The following TLR1 variants were observed in gnomAD, a reference collection of about 807,000 sequenced individuals.
The protein encoded by TLR1 is toll-like receptor 1.
Under a neutral mutation model 20.2 loss-of-function variants are expected in TLR1, and 19 were observed. The ratio of observed to expected loss-of-function variants is 0.94; its 90% confidence interval spans 0.66 to 1.38. The LOEUF (loss-of-function observed/expected upper bound fraction) is 1.38, where lower values mean the gene tolerates loss of function less well. TLR1 is among the 40% of genes most tolerant of loss of function. The pLI is 0.00. For synonymous variants in TLR1, 320 were observed against 334.5 expected, an observed-to-expected ratio of 0.96 and a Z score of 0.47; for missense variants, 921 against 910.0, an observed-to-expected ratio of 1.01 and a Z score of -0.16.
chr4:38,796,527 A>C lies in TLR1; in HGVS notation c.2305T>G (p.Trp769Gly). The C allele has an allele frequency of 1.2e-6, 2 of 1,613,982 alleles. No homozygotes were observed. The highest frequency in any genetic ancestry group is 2.2e-5 in the East Asian group (1 of 44,882). ...TTAATGGCTGCCCTTAAGTTAGCCC[A>C]AAAAAGGCCACGTTTGCTCTTTTCC... is the stretch of plus-strand genomic sequence containing the variant. ...PKEKSKRGLF[W>G]ANLRAAINIK... The change falls in exon 4 of 4, where the codon TGG becomes GGG. Residue 769 changes from tryptophan (W) to glycine (G), a missense_variant. Coordinates refer to ENST00000308979, the MANE Select transcript of TLR1 (RefSeq NM_003263.4).
At chr4:38,791,208 A>G (rs1725708987) in exon 4 of TLR1, 1 of 152,208 alleles carries the variant, frequency 6.6e-6, no homozygotes, top group African/African-American at 2.4e-5. Flanking sequence ...CTCTTCTCTG[A>G]AATCCTCAGG....
intron 2 of TLR1, among the ~76,000 whole-genome samples, chr4:38,802,027 T>A (rs1247795195): frequency 6.6e-6 from 1 of 152,078 alleles, no homozygotes; most frequent in African/African-American, 2.4e-5. Flanking sequence ...TGAAACCCTG[T>A]CTCTACTAAA....
chr4:38,805,503 T>C (rs1346085443), upstream of TLR1: 1 of 152,240 alleles, frequency 6.6e-6, no homozygotes, highest in Non-Finnish European at 1.5e-5. Context: ...GAAGACATTC[T>C]GATAGCTCTA....
downstream of TLR1, among the ~76,000 whole-genome samples, chr4:38,796,062 C>T (rs747590173): frequency 9.9e-5 from 15 of 152,132 alleles, no homozygotes; most frequent in Non-Finnish European, 1.9e-4. Context: ...GTTGAATGCA[C>T]CATGGATATG....
intron 1 of TLR1, among the ~76,000 whole-genome samples, 183 bp downstream of exon 1, chr4:38,804,571 T>C (rs5743561): frequency 0.022 from 3,320 of 152,310 alleles, 127 homozygotes; most frequent in African/African-American, 0.076. Context: ...GGACTTTCTC[T>C]GATTTAGGAC....
chr4:38,798,240 TG>T lies in TLR1; in HGVS notation c.591del (p.Thr198GlnfsTer16), dbSNP rs56043098. On this transcript the variant is annotated frameshift_variant, in exon 4 of 4. Coordinates refer to ENST00000308979, the MANE Select transcript of TLR1 (RefSeq NM_003263.4). LOFTEE classifies it low-confidence loss of function (END_TRUNC). Reference protein sequence around the residue: ...FNTESLHIVFPTNKEFHFILD... With the variant: ...FNTESLHIVFXTNKEFHFILD... ...AAAATAAAATGGAATTCTTTGTTTG[TG>T]GGGAACACAATGTGCAGACTCTCAG... 9.5e-5 allele frequency: 154 copies of T among 1,613,780 alleles called. 3 individuals are homozygous for T. The South Asian group carries it at 1.6e-3, about 17-fold the overall frequency.
downstream of TLR1, among the ~76,000 whole-genome samples, chr4:38,795,830 G>T (rs1439642687): frequency 1.3e-5 from 2 of 152,230 alleles, no homozygotes; most frequent in Non-Finnish European, 2.9e-5. Context: ...CTCAGGGAGA[G>T]TGTAAAGTAT....
Position 38,798,194 on chromosome 4 carries a change from A to G in TLR1, c.638T>C (p.Val213Ala), listed in dbSNP as rs1229012607. 6.2e-7 allele frequency: 1 copy of G among 1,614,108 alleles called. No homozygotes were observed. The highest frequency in any genetic ancestry group is 1.1e-5 in the South Asian group (1 of 91,072). The change falls in exon 4 of 4, where the codon GTA (valine) becomes GCA (alanine). Residue 213 changes from valine (V) to alanine (A), a missense_variant. Val to Ala is a moderately conservative substitution (Grantham distance 64). Coordinates refer to ENST00000308979, the MANE Select transcript of TLR1 (RefSeq NM_003263.4). ...GATATTAGATAGTTCCAGATTTGCT[A>G]CAGTCTTGACTGACACATCCAAAAT... is the stretch of plus-strand genomic sequence containing the variant. ...HFILDVSVKTVANLELSNIKC... is the reference protein window; with the variant it reads ...HFILDVSVKTAANLELSNIKC...
At chr4:38,802,163 C>T (rs5743584) in intron 2 of TLR1, among the ~76,000 whole-genome samples, 22,230 of 152,232 alleles carry the variant, frequency 0.15, 2,241 homozygotes, top group East Asian at 0.4. Context: ...TGCCATTGCA[C>T]TCCAGCCTGG....
At chr4:38,795,741 A>T (rs1224195049), downstream of TLR1, among the ~76,000 whole-genome samples, 1 of 152,222 alleles carries the variant, frequency 6.6e-6, no homozygotes, top group African/African-American at 2.4e-5. Flanking sequence ...GTGAGAAAAA[A>T]ATGGGAAGGA....
chr4:38,792,103 G>A (rs192280803), downstream of TLR1, among the ~76,000 whole-genome samples: 213 of 152,304 alleles, frequency 1.4e-3, no homozygotes, highest in African/African-American at 4.2e-3. Flanking sequence ...AGAAAAAGGA[G>A]GCTAGGAAGG....
chr4:38,787,962 T>C (rs917189575), downstream of TLR1, among the ~76,000 whole-genome samples: 16 of 152,144 alleles, frequency 1.1e-4, no homozygotes, highest in African/African-American at 3.6e-4. Context: ...ACTTCCCCTC[T>C]CAACTGACCC....
chr4:38,790,150 T>C (rs924890842), downstream of TLR1, among the ~76,000 whole-genome samples: 19 of 152,226 alleles, frequency 1.2e-4, no homozygotes, highest in African/African-American at 4.6e-4. Context: ...CTTTGAGTTG[T>C]TGCTATCCTG....
At chr4:38,790,893 G>C (rs931173961) in exon 4 of TLR1, 1 of 152,206 alleles carries the variant, frequency 6.6e-6, no homozygotes, top group Non-Finnish European at 1.5e-5. Flanking sequence ...GAGGAAAGAT[G>C]AACATCCTCA....
chr4:38,791,548 AT>A (rs1725722646), downstream of TLR1, among the ~76,000 whole-genome samples: 3 of 152,122 alleles, frequency 2.0e-5, no homozygotes, highest in South Asian at 6.2e-4. Context: ...TGTTTGCCTC[AT>A]TTGTTCATTC....
Position 38,798,885 on chromosome 4 carries a change from T to C in TLR1, c.-54A>G, listed in dbSNP as rs1046170079. 2 of 1,265,300 alleles carry C rather than the reference T, an allele frequency of 1.6e-6. No homozygotes were observed. Among genetic ancestry groups the C allele is most frequent in the East Asian group, 2.4e-5 (1 of 41,766 alleles). The allele number at this position is 1,265,300 out of a possible 1,614,324, so 78.4% of individuals were successfully genotyped here. On this transcript the variant is annotated 5_prime_UTR_variant, in exon 4 of 4. Transcript: ENST00000308979. ...GAAGCTGTTCTTCAGATCATCTTGA[T>C]ACAGATACAGATTCTAGAAAAAAAA... is the stretch of plus-strand genomic sequence containing the variant.
In TLR1 at chr4:38,797,887, C is replaced by T. The variant is rs185747096; in HGVS notation, c.945G>A (p.Pro315=). Residue 315 remains proline, a synonymous_variant, in exon 4 of 4, where the codon CCG becomes CCA. Transcript: ENST00000308979. ...AAAAGATTTCATAGATATAACTTTG[C>T]GGAAAACCGAACACATCGCTGACAA... The part of the protein sequence containing the change: ...HQVVSDVFGF[P]QSYIYEIFSN... The T allele has an allele frequency of 6.4e-5, 103 of 1,613,850 alleles. No homozygotes were observed. Among genetic ancestry groups the T allele is most frequent in the South Asian group, 5.3e-4 (48 of 91,078 alleles).
downstream of TLR1, among the ~76,000 whole-genome samples, chr4:38,789,351 A>G (rs1420654095): frequency 6.6e-6 from 1 of 152,216 alleles, no homozygotes; most frequent in Non-Finnish European, 1.5e-5. Context: ...ATAATTTGTC[A>G]AAGCATTTTG....
At chr4:38,799,903 G>A (rs1411718598) in intron 3 of TLR1, among the ~76,000 whole-genome samples, 1 of 152,136 alleles carries the variant, frequency 6.6e-6, no homozygotes, top group Non-Finnish European at 1.5e-5. Flanking sequence ...CAGTGAACAA[G>A]ATAAAGTCCG....
Sources: allele counts gnomAD v4.1 joint callset (sites outside exome capture counted in the v4.1 genomes callset), GRCh38; gene constraint gnomAD v4.1.1; transcripts MANE v1.5; gene names NCBI Gene and HGNC (gene_info 2026-07-23, HGNC 2026-07-21).